The following ACBD6 variants were observed in gnomAD, a reference collection of about 807,000 sequenced individuals.
ACBD6 encodes acyl-CoA-binding domain-containing protein 6.
A neutral mutation model predicts 37.2 loss-of-function variants in ACBD6; 28 were observed. That is an observed-to-expected ratio of 0.75 (90% CI 0.56 to 1.03). The LOEUF is 1.03. Among genes scored for constraint, ACBD6 ranks in the 50% least tolerant of loss-of-function variants. The pLI is 0.00. For synonymous variants in ACBD6, 113 were observed against 126.8 expected (o/e 0.89, Z 0.73); for missense variants, 340 against 337.4 (o/e 1.01, Z -0.06).
intron 6 of ACBD6, among the ~76,000 whole-genome samples, chr1:180,334,260 C>A (rs1044387301): frequency 2.0e-5 from 3 of 152,152 alleles, no homozygotes; most frequent in Admixed American, 6.5e-5. Context: ...CTAGGAGGCA[C>A]CCCCCAGCAG....
chr1:180,328,873 C>A (rs1651363456), intron 6 of ACBD6, among the ~76,000 whole-genome samples: 1 of 151,996 alleles, frequency 6.6e-6, no homozygotes, highest in Non-Finnish European at 1.5e-5. Context: ...AAGCTTTCAG[C>A]TGCAGGTTCT....
At chr1:180,344,893 G>A (rs752222720) in intron 6 of ACBD6, among the ~76,000 whole-genome samples, 10 of 152,030 alleles carry the variant, frequency 6.6e-5, no homozygotes, top group Non-Finnish European at 1.2e-4. Flanking sequence ...GACAATAGGT[G>A]GCCTAAGTTA....
At chr1:180,441,481 T>C (rs1458046737) in intron 3 of ACBD6, among the ~76,000 whole-genome samples, 1 of 152,240 alleles carries the variant, frequency 6.6e-6, no homozygotes, top group Non-Finnish European at 1.5e-5. Flanking sequence ...CGCTGCCATC[T>C]AAATAAAATT....
At chr1:180,498,448 C>T (rs192171201) in intron 1 of ACBD6, among the ~76,000 whole-genome samples, 83 of 152,356 alleles carry the variant, frequency 5.4e-4, no homozygotes, top group Non-Finnish European at 1.9e-4. Flanking sequence ...AGAAATTACA[C>T]AAGTGCTTTT....
At chr1:180,457,847 C>T (rs1205652160) in intron 3 of ACBD6, among the ~76,000 whole-genome samples, 1 of 147,348 alleles carries the variant, frequency 6.8e-6, no homozygotes, top group Non-Finnish European at 1.5e-5. Context: ...GCCTGGAGTA[C>T]AATGGCACGA....
intron 1 of ACBD6, among the ~76,000 whole-genome samples, chr1:180,500,122 CTTT>C (rs1304880531): frequency 7.1e-6 from 1 of 141,632 alleles, no homozygotes; most frequent in Non-Finnish European, 1.5e-5. Flanking sequence ...TCTAAAAAAA[CTTT>C]TTTAGTTAAA....
At chr1:180,370,569 T>C (rs549644967) in intron 6 of ACBD6, among the ~76,000 whole-genome samples, 15 of 152,298 alleles carry the variant, frequency 9.8e-5, no homozygotes, top group African/African-American at 3.4e-4. Context: ...TAGTTAAATA[T>C]AGATTTTATA....
chr1:180,431,951 A>T (rs114453450), intron 3 of ACBD6, among the ~76,000 whole-genome samples: 50 of 152,248 alleles, frequency 3.3e-4, no homozygotes, highest in Non-Finnish European at 6.5e-4. Context: ...CACACCTATA[A>T]TCCCTGCACT....
chr1:180,484,645 G>A (rs1025081869), intron 3 of ACBD6, among the ~76,000 whole-genome samples: 1 of 152,118 alleles, frequency 6.6e-6, no homozygotes, highest in Non-Finnish European at 1.5e-5. Context: ...ATATACACGT[G>A]TCAGAGTAAT....
chr1:180,331,344 A>G (rs1424587739), intron 6 of ACBD6, among the ~76,000 whole-genome samples: 1 of 152,246 alleles, frequency 6.6e-6, no homozygotes, highest in African/African-American at 2.4e-5. Flanking sequence ...TCAGGTTACC[A>G]AATAACTTAG....
chr1:180,319,150 T>C (rs1650952478), intron 6 of ACBD6, among the ~76,000 whole-genome samples: 1 of 152,126 alleles, frequency 6.6e-6, no homozygotes, highest in South Asian at 2.1e-4. Context: ...TGCTCCTCTT[T>C]TCTACTACTG....
At chr1:180,466,037 T>C (rs1490698911) in intron 3 of ACBD6, among the ~76,000 whole-genome samples, 2 of 152,062 alleles carry the variant, frequency 1.3e-5, no homozygotes, top group Non-Finnish European at 2.9e-5. Context: ...AAGATAATTA[T>C]TGGGTATTGA....
At chr1:180,384,036 C>T (rs1372281781) in intron 6 of ACBD6, among the ~76,000 whole-genome samples, 2 of 151,552 alleles carry the variant, frequency 1.3e-5, no homozygotes, top group Non-Finnish European at 2.9e-5. Context: ...GAATCAAATA[C>T]CTAAATACAA....
intron 7 of ACBD6, among the ~76,000 whole-genome samples, chr1:180,306,065 A>C (rs895077897): frequency 1.5e-5 from 2 of 131,754 alleles, no homozygotes; most frequent in African/African-American, 5.9e-5. Flanking sequence ...ACGTGGACAC[A>C]GGAAGGGGAA....
chr1:180,286,070 G>GA (rs1379603255), downstream of ACBD6, among the ~76,000 whole-genome samples: 1 of 151,992 alleles, frequency 6.6e-6, no homozygotes, highest in Non-Finnish European at 1.5e-5. Context: ...ACAAAATACT[G>GA]AAAAAAGGGA....
At chr1:180,445,582 C>A (rs1299764739) in intron 3 of ACBD6, among the ~76,000 whole-genome samples, 1 of 152,064 alleles carries the variant, frequency 6.6e-6, no homozygotes, top group Non-Finnish European at 1.5e-5. Context: ...AAATATAATA[C>A]ACTAAGACTC....
chr1:180,271,799 C>A (rs781317514), exon 14 of ACBD6: 1 of 1,611,102 alleles, frequency 6.2e-7, no homozygotes, highest in South Asian at 1.1e-5. Context: ...TTGTGGTGGA[C>A]GCCCCCTGAG....
chr1:180,371,978 CCA>C (rs949811926), intron 6 of ACBD6, among the ~76,000 whole-genome samples: 6 of 152,136 alleles, frequency 3.9e-5, no homozygotes, highest in African/African-American at 7.2e-5. Flanking sequence ...ATTCCTTTCC[CCA>C]CAGTCACGTG....
chr1:180,439,202 C>T (rs574228561), intron 3 of ACBD6, among the ~76,000 whole-genome samples: 6 of 152,130 alleles, frequency 3.9e-5, no homozygotes, highest in Non-Finnish European at 7.4e-5. Context: ...ATGCTCCTTC[C>T]CCTGGCCCAA....
Sources: gnomAD v4.1 joint callset for allele counts (sites outside exome capture counted in the v4.1 genomes callset) on GRCh38, gnomAD v4.1.1 for gene constraint, MANE v1.5 for transcripts, NCBI Gene and HGNC (gene_info 2026-07-23, HGNC 2026-07-21) for gene names.